NME7: variants seen among roughly 807,000 people sequenced by gnomAD.
NME7 encodes NME/NM23 family member 7, also known as nucleoside diphosphate kinase 7.
NME7 carries 41 observed loss-of-function variants against 49.1 expected under a neutral mutation model. The ratio of observed to expected loss-of-function variants is 0.83; its 90% CI spans 0.65 to 1.08. The LOEUF (loss-of-function observed/expected upper bound fraction) is 1.08. Ranked by LOEUF, NME7 falls within the 50% of genes least tolerant of loss-of-function variation. The pLI, the probability that NME7 is intolerant of heterozygous loss-of-function variation, is 0.00. For missense variants in NME7, 423 were observed against 463.4 expected (o/e 0.91, Z 0.80); for synonymous variants, 139 against 150.6 (o/e 0.92, Z 0.56).
chr1:169,189,521 G>C (rs1660158532), intron 10 of NME7, among the ~76,000 whole-genome samples: 2 of 151,990 alleles, frequency 1.3e-5, no homozygotes, highest in Non-Finnish European at 2.9e-5. Flanking sequence ...TTCGCAACAG[G>C]ATAAAGAGCA....
intron 11 of NME7, among the ~76,000 whole-genome samples, chr1:169,157,026 A>G (rs1659096543): frequency 6.6e-6 from 1 of 152,236 alleles, no homozygotes; most frequent in African/African-American, 2.4e-5. Context: ...CAATGAAAGA[A>G]GATGCTGGTG....
At chr1:169,176,056 AT>A (rs1199297033) in intron 10 of NME7, among the ~76,000 whole-genome samples, 1 of 152,184 alleles carries the variant, frequency 6.6e-6, no homozygotes, top group Non-Finnish European at 1.5e-5. Context: ...CTTCAAAAAT[AT>A]CTTACCAAAA....
chr1:169,239,226 C>A (rs933729989), intron 7 of NME7, among the ~76,000 whole-genome samples: 1 of 151,814 alleles, frequency 6.6e-6, no homozygotes, highest in African/African-American at 2.4e-5. Flanking sequence ...CTTTTGAAAT[C>A]ATTTAGAATG....
chr1:169,208,935 G>A (rs1206149482), intron 10 of NME7, among the ~76,000 whole-genome samples: 9 of 152,156 alleles, frequency 5.9e-5, no homozygotes, highest in African/African-American at 2.2e-4. Flanking sequence ...TATAAAGAAT[G>A]TGTTTCCATA....
intron 9 of NME7, among the ~76,000 whole-genome samples, chr1:169,234,519 A>G (rs1647778104): frequency 6.6e-6 from 1 of 152,168 alleles, no homozygotes; most frequent in South Asian, 2.1e-4. Flanking sequence ...AATAGCAGGT[A>G]ATATTTACTG....
intron 7 of NME7, among the ~76,000 whole-genome samples, chr1:169,247,665 T>C (rs1174016558): frequency 6.6e-6 from 1 of 152,094 alleles, no homozygotes; most frequent in Non-Finnish European, 1.5e-5. Context: ...GTCGCCAAAG[T>C]CCATCATAGA....
chr1:169,355,030 T>TGTTTA (rs1388074861), intron 1 of NME7, among the ~76,000 whole-genome samples: 6 of 75,770 alleles, frequency 7.9e-5, no homozygotes, highest in African/African-American at 2.0e-4. Flanking sequence ...TAATTATATA[T>TGTTTA]TATATATTAT....
chr1:169,161,626 C>T (rs894841608), intron 11 of NME7, among the ~76,000 whole-genome samples: 2 of 152,204 alleles, frequency 1.3e-5, no homozygotes, highest in South Asian at 2.1e-4. Flanking sequence ...TAGCTGACTC[C>T]ATCTTGCTTC....
intron 10 of NME7, among the ~76,000 whole-genome samples, chr1:169,213,801 A>G (rs527806226): frequency 6.6e-5 from 10 of 150,800 alleles, no homozygotes; most frequent in East Asian, 3.9e-4. Flanking sequence ...TAATCTTGGG[A>G]AAAAATATAA....
At chr1:169,321,667 A>G (rs749200102) in intron 3 of NME7, among the ~76,000 whole-genome samples, 1 of 152,178 alleles carries the variant, frequency 6.6e-6, no homozygotes, top group Non-Finnish European at 1.5e-5. Flanking sequence ...CCATTTGTGT[A>G]CTAACACCCA....
chr1:169,184,827 CAAT>C (rs967581584), intron 10 of NME7, among the ~76,000 whole-genome samples: 1 of 152,092 alleles, frequency 6.6e-6, no homozygotes, highest in African/African-American at 2.4e-5. Context: ...CAAAAAACAA[CAAT>C]AAAAAACAGA....
intron 10 of NME7, among the ~76,000 whole-genome samples, chr1:169,170,403 T>G (rs190864705): frequency 1.4e-4 from 21 of 152,350 alleles, no homozygotes; most frequent in African/African-American, 4.6e-4. Flanking sequence ...CACTCACATT[T>G]GTGGTTCCAT....
At chr1:169,197,129 A>C (rs571359045) in intron 10 of NME7, among the ~76,000 whole-genome samples, 1 of 152,262 alleles carries the variant, frequency 6.6e-6, no homozygotes, top group Admixed American at 6.5e-5. Context: ...AGTAAATAAG[A>C]GTACCTATAT....
chr1:169,317,990 G>A (rs758165796), intron 3 of NME7, among the ~76,000 whole-genome samples: 170 of 152,264 alleles, frequency 1.1e-3, no homozygotes, highest in Non-Finnish European at 1.6e-3. Context: ...ATAGCGTATT[G>A]TTCTCCTGCT....
chr1:169,273,461 AT>A lies in NME7; in HGVS notation c.754+13841del, dbSNP rs200054713. Among the ~76,000 whole-genome samples, 99 of 128,336 alleles carry A rather than the reference AT, an allele frequency of 7.7e-4. 14 individuals are homozygous for A. The highest frequency in any genetic ancestry group is 5.1e-3 in the South Asian group (21 of 4,136). 84.2% of individuals were successfully genotyped at this position (128,336 alleles called of 152,430 possible). On this transcript the variant is annotated intron_variant, in intron 7 of 11. Coordinates refer to ENST00000367811, the MANE Select transcript of NME7 (RefSeq NM_013330.5). ...CACTTTCTTTTCTATTTTTTTCTTA[AT>A]TTTTTTTTATTATTATACTTTAAGT...
chr1:169,282,048 G>T (rs189029626), intron 7 of NME7, among the ~76,000 whole-genome samples: 49 of 152,220 alleles, frequency 3.2e-4, no homozygotes, highest in Non-Finnish European at 8.8e-5. Context: ...TGTACCTCTG[G>T]TAGAATTTGG....
intron 10 of NME7, among the ~76,000 whole-genome samples, chr1:169,185,747 T>C (rs1049823646): frequency 3.3e-5 from 5 of 152,180 alleles, no homozygotes; most frequent in African/African-American, 4.8e-5. Context: ...TATTATTCCC[T>C]GCTATATCCA....
intron 11 of NME7, among the ~76,000 whole-genome samples, chr1:169,141,162 G>A (rs1446940558): frequency 3.9e-5 from 6 of 152,066 alleles, no homozygotes; most frequent in Admixed American, 3.9e-4. Context: ...GAAAACTACT[G>A]TCCTAGATAG....
Position 169,260,922 on chromosome 1 carries a change from A to G in NME7, c.755-23235T>C, listed in dbSNP as rs1480386158. ...GCACTGTCATCAAAATTCTGCATAA[A>G]GCTTACATTAATGTTGTTCTTCCTA... is the stretch of plus-strand genomic sequence containing the variant. On this transcript the variant is annotated intron_variant, in intron 7 of 11. Coordinates refer to ENST00000367811, the MANE Select transcript of NME7 (RefSeq NM_013330.5). Among the ~76,000 whole-genome samples the G allele has an allele frequency of 3.0e-5, 4 of 133,822 alleles. 2 individuals are homozygous for G. Among genetic ancestry groups the G allele is most frequent in the Non-Finnish European group, 7.0e-5 (4 of 56,820 alleles). 87.8% of individuals were successfully genotyped at this position (133,822 alleles called of 152,430 possible). A position where few individuals can be genotyped will look rare whatever the true frequency, so the allele number is the denominator to read the frequency against.
Sources: allele counts gnomAD v4.1 joint callset (sites outside exome capture counted in the v4.1 genomes callset), GRCh38; gene constraint gnomAD v4.1.1; transcripts MANE v1.5; gene names NCBI Gene and HGNC (gene_info 2026-07-23, HGNC 2026-07-21).